COX15: variants seen among roughly 807,000 people sequenced by gnomAD.
COX15 encodes the protein cytochrome c oxidase assembly factor COX15, also known as heme A synthase COX15.
COX15 carries 51 observed loss-of-function variants against 51.9 expected under a neutral mutation model. The ratio of observed to expected loss-of-function variants is 0.98; its 90% CI spans 0.78 to 1.24. The LOEUF is 1.24. Among genes scored for constraint, COX15 ranks in the 50% most tolerant of loss-of-function variants. The pLI is 0.00. For synonymous variants in COX15, 188 were observed against 190.5 expected, an observed-to-expected ratio of 0.99 and a Z score of 0.11; for missense variants, 420 against 501.1, an observed-to-expected ratio of 0.84 and a Z score of 1.55.
rs370595065 is a variant in COX15 at position 99,731,966 on chromosome 10, T to C, written c.84A>G (p.Arg28=). The C allele has an allele frequency of 1.3e-5, 21 of 1,610,414 alleles. No homozygotes were observed. Among genetic ancestry groups the C allele is most frequent in the Non-Finnish European group, 1.7e-5 (20 of 1,178,718 alleles). The change falls in exon 1 of 9, where the codon AGA becomes AGG. Residue 28 remains arginine, a synonymous_variant. Transcript: ENST00000016171. ...LPLLAPRAAP[R]AQCDCIRRPL... is the part of the protein sequence containing the mutation. Reference sequence around the variant, plus strand: ...GTCCGCTGCAGTGCGGTACCTGTGCTCTAGGCGCTGCCCTAGGAGCCAGGA... The same window carrying C: ...GTCCGCTGCAGTGCGGTACCTGTGCCCTAGGCGCTGCCCTAGGAGCCAGGA...
At chr10:99,707,008 C>T (rs575050048), downstream of COX15, among the ~76,000 whole-genome samples, 65 of 152,172 alleles carry the variant, frequency 4.3e-4, no homozygotes, top group African/African-American at 1.5e-3. Flanking sequence ...TAATAATAGC[C>T]ATTATTTGTT....
chr10:99,709,293 A>C (rs2036312688), downstream of COX15: 1 of 985,358 alleles, frequency 1.0e-6, no homozygotes, highest in Non-Finnish European at 1.2e-6. Context: ...TTAATTCAAA[A>C]CTAGTATCTA....
chr10:99,709,848 G>A (rs2300983), downstream of COX15: 853,855 of 985,112 alleles, frequency 0.87, 370,727 homozygotes, highest in Middle Eastern at 0.9. Flanking sequence ...TCAGAGGGAC[G>A]AGGAAGGAAT....
chr10:99,698,602 TCA>T, the COX15 span: 1 of 1,614,190 alleles, frequency 6.2e-7, no homozygotes, highest in East Asian at 2.2e-5. Flanking sequence ...CCAGTGGGAC[TCA>T]CAGATGTGGT....
chr10:99,698,803 A>C, the COX15 span: 1 of 1,613,546 alleles, frequency 6.2e-7, no homozygotes. Flanking sequence ...TGTACAGAGG[A>C]TGTGTTGCGC....
At chr10:99,702,414 C>T in the COX15 span, 1 of 1,076,866 alleles carries the variant, frequency 9.3e-7, no homozygotes, top group Non-Finnish European at 1.3e-6. Flanking sequence ...GGAGGTAGGT[C>T]TTTTAATAAC....
chr10:99,705,979 A>T (rs1416419533), downstream of COX15: 1 of 152,142 alleles, frequency 6.6e-6, no homozygotes, highest in Non-Finnish European at 1.5e-5. Flanking sequence ...AATCTTTCTT[A>T]TATTTTACCC....
intron 8 of COX15, among the ~76,000 whole-genome samples, chr10:99,715,231 G>A (rs1219654971): frequency 6.6e-6 from 1 of 152,048 alleles, no homozygotes; most frequent in Admixed American, 6.5e-5. Context: ...TCCACTTCCA[G>A]GGCTCAAGCA....
rs985142361 is a variant in COX15 at position 99,718,226 on chromosome 10, A to T, written c.987+120T>A. ...AATGGTCCTAAAATTTCTTCCAAAG[A>T]GAGCAGGAAATATAGTTCCTGCTCT... On this transcript the variant is annotated intron_variant, in intron 7 of 8. Transcript: ENST00000016171. 43 of 1,073,976 alleles carry T rather than the reference A, an allele frequency of 4.0e-5. No individual in the cohort carries two copies. In the African/African-American group the frequency reaches 6.9e-4, roughly 17 times the overall value. 66.5% of individuals were successfully genotyped at this position (1,073,976 alleles called of 1,614,324 possible).
rs1423671888 is a variant in COX15, at chr10:99,714,559, C to T, written c.*28G>A. 2 of 1,613,742 alleles carry T rather than the reference C, an allele frequency of 1.2e-6. No homozygotes were observed. Among genetic ancestry groups the T allele is most frequent in the African/African-American group, 2.7e-5 (2 of 74,922 alleles). On this transcript the variant is annotated 3_prime_UTR_variant, in exon 9 of 9. Transcript: ENST00000016171. ...TCTGAAGAGCTCTCAAAAGCAGTCA[C>T]AGTCCCAGGAGGCTGGTCCTCTAAG...
downstream of COX15, chr10:99,709,534 AGTC>A: frequency 5.1e-6 from 5 of 982,590 alleles, no homozygotes; most frequent in Non-Finnish European, 6.0e-6. Context: ...CAGGATTATT[AGTC>A]AATAATATTT....
Position 99,713,017 on chromosome 10 carries a change from T to G in COX15, c.*1570A>C, listed in dbSNP as rs757498127. On this transcript the variant is annotated 3_prime_UTR_variant, in exon 9 of 9. Coordinates refer to ENST00000016171, the MANE Select transcript of COX15 (RefSeq NM_078470.6). ...AGGGGTTCTGGACTCATCATTCTGATCTCTTCTTCTGGATACACACTTAGT... is the reference window on the plus strand; with the variant it reads ...AGGGGTTCTGGACTCATCATTCTGAGCTCTTCTTCTGGATACACACTTAGT... The G allele has an allele frequency of 1.8e-5, 20 of 1,131,948 alleles. No homozygotes were observed. The highest frequency in any genetic ancestry group is 2.2e-5 in the Non-Finnish European group (20 of 917,872). 70.1% of individuals were successfully genotyped at this position (1,131,948 alleles called of 1,614,324 possible).
chr10:99,716,501 C>G, intron 7 of COX15, 40 bp from the exon 8 acceptor site: 1 of 1,392,484 alleles, frequency 7.2e-7, no homozygotes, highest in Non-Finnish European at 1.0e-6. Context: ...GATAGAAGTG[C>G]CAGGTTTCTA....
At chr10:99,708,857 A>T (rs1199462333), downstream of COX15, 1 of 985,346 alleles carries the variant, frequency 1.0e-6, no homozygotes. Context: ...TGAAATGCTC[A>T]TTAACAGAAT....
chr10:99,706,412 C>T (rs757534261), downstream of COX15, among the ~76,000 whole-genome samples: 10 of 151,966 alleles, frequency 6.6e-5, no homozygotes, highest in South Asian at 2.1e-4. Flanking sequence ...CATGGCTCAC[C>T]GCAGCCTCAA....
chr10:99,719,968 C>G (rs1247297071), intron 6 of COX15, among the ~76,000 whole-genome samples: 1 of 152,238 alleles, frequency 6.6e-6, no homozygotes, highest in Non-Finnish European at 1.5e-5. Flanking sequence ...AACCAATATA[C>G]TAGCCCCTAG....
intron 5 of COX15, 149 bp downstream of exon 5, chr10:99,723,806 CT>C (rs2036855489): frequency 1.2e-6 from 1 of 823,088 alleles, no homozygotes; most frequent in African/African-American, 1.7e-5. Context: ...CTCCCTCCCA[CT>C]CTATTTTTCA....
intron 3 of COX15, 33 bp downstream of exon 3, chr10:99,727,408 T>C (rs1215899028): frequency 1.9e-6 from 3 of 1,610,292 alleles, no homozygotes; most frequent in African/African-American, 2.7e-5. Flanking sequence ...ATGGGCCTAC[T>C]GGGATGTTTA....
At chr10:99,694,347 A>G in the COX15 span, among the ~76,000 whole-genome samples, 153 of 152,290 alleles carry the variant, frequency 1.0e-3, no homozygotes, top group African/African-American at 3.2e-3. Context: ...AGGTTCAGCC[A>G]TCTCGTGGTA....
Sources: allele counts gnomAD v4.1 joint callset (sites outside exome capture counted in the v4.1 genomes callset), GRCh38; gene constraint gnomAD v4.1.1; transcripts MANE v1.5; gene names NCBI Gene and HGNC (gene_info 2026-07-23, HGNC 2026-07-21).